The following ONECUT2 variants were observed in gnomAD, a reference collection of about 807,000 sequenced individuals.
The protein encoded by ONECUT2 is one cut domain family member 2.
In ONECUT2, 10 loss-of-function variants were observed where a neutral mutation model predicts 27.9. The ratio of observed to expected loss-of-function variants is 0.36; its 90% CI spans 0.22 to 0.61. The LOEUF is 0.61. Among genes scored for constraint, ONECUT2 ranks in the 20% least tolerant of loss-of-function variants. ONECUT2 has a pLI of 0.73. For missense variants in ONECUT2, 686 were observed against 721.0 expected (o/e 0.95, Z 0.56); for synonymous variants, 334 against 315.1 (o/e 1.06, Z -0.64).
intron 1 of ONECUT2, among the ~76,000 whole-genome samples, chr18:57,446,076 G>T (rs989668770): frequency 1.3e-5 from 2 of 152,230 alleles, no homozygotes; most frequent in Non-Finnish European, 2.9e-5. Flanking sequence ...CAAAGGTCAC[G>T]CCAGTCAGTC....
intron 1 of ONECUT2, among the ~76,000 whole-genome samples, chr18:57,464,697 C>T (rs554532613): frequency 3.9e-5 from 6 of 152,134 alleles, no homozygotes; most frequent in African/African-American, 9.6e-5. Context: ...ATGGAGACAC[C>T]GACCCTTTTT....
In ONECUT2 at chr18:57,476,998, C is replaced by A; in HGVS notation, c.*275C>A. ...TGAGCATGCTAAGCATCCCAGAAAC[C>A]CAAATGGGGCCTTCCTGGAGCGAGT... is the stretch of plus-strand genomic sequence containing the variant. On this transcript the variant is annotated 3_prime_UTR_variant, in exon 2 of 2. Transcript: ENST00000491143. The A allele has an allele frequency of 2.3e-6, 1 of 441,604 alleles. No homozygotes were observed. The allele number at this position is 441,604 out of a possible 1,614,324, so 27.4% of individuals were successfully genotyped here. A position where few individuals can be genotyped will look rare whatever the true frequency, so the allele number is the denominator to read the frequency against.
At chr18:57,467,190 T>G (rs749363303) in intron 1 of ONECUT2, 15 of 456,630 alleles carry the variant, frequency 3.3e-5, no homozygotes, top group Non-Finnish European at 5.3e-5. Flanking sequence ...GAACACAGAA[T>G]GGTCGCTGTG....
At chr18:57,460,850 G>C (rs1198222315) in intron 1 of ONECUT2, among the ~76,000 whole-genome samples, 1 of 151,766 alleles carries the variant, frequency 6.6e-6, no homozygotes, top group Non-Finnish European at 1.5e-5. Flanking sequence ...CACCACACCT[G>C]GCTAATTTTT....
intron 1 of ONECUT2, among the ~76,000 whole-genome samples, chr18:57,442,032 G>A (rs1019905098): frequency 2.0e-5 from 3 of 151,788 alleles, no homozygotes; most frequent in Non-Finnish European, 2.9e-5. Flanking sequence ...CGGGTAAGGA[G>A]GTGTCCTGTG....
At chr18:57,474,639 C>T (rs993695394) in intron 1 of ONECUT2, among the ~76,000 whole-genome samples, 1 of 152,138 alleles carries the variant, frequency 6.6e-6, no homozygotes, top group African/African-American at 2.4e-5. Context: ...ATGGCCCAAT[C>T]ACCTCCCAAA....
In ONECUT2 at chr18:57,477,874, A is replaced by G. The variant is rs2050393373; in HGVS notation, c.*1151A>G. 6.6e-6 allele frequency: 1 copy of G among 152,598 alleles called. No individual in the cohort carries two copies. Among genetic ancestry groups the G allele is most frequent in the African/African-American group, 2.4e-5 (1 of 41,426 alleles). 9.5% of individuals were successfully genotyped at this position (152,598 alleles called of 1,614,324 possible). On this transcript the variant is annotated 3_prime_UTR_variant, in exon 2 of 2. Transcript: ENST00000491143. Reference sequence around the variant, plus strand: ...TGTTTTCTGTGTTTTCTAGCAAGAAAAAAAAATCAATCAATCAAACCTGCA... The same window carrying G: ...TGTTTTCTGTGTTTTCTAGCAAGAAGAAAAAATCAATCAATCAAACCTGCA...
chr18:57,477,875 A>T lies in ONECUT2; in HGVS notation c.*1152A>T, dbSNP rs1173326076. The T allele has an allele frequency of 6.6e-6, 1 of 152,580 alleles. No individual in the cohort carries two copies. Among genetic ancestry groups the T allele is most frequent in the Non-Finnish European group, 1.5e-5 (1 of 68,012 alleles). 9.5% of individuals were successfully genotyped at this position (152,580 alleles called of 1,614,324 possible). A position where few individuals can be genotyped will look rare whatever the true frequency, so the allele number is the denominator to read the frequency against. On this transcript the variant is annotated 3_prime_UTR_variant, in exon 2 of 2. Coordinates refer to ENST00000491143, the MANE Select transcript of ONECUT2 (RefSeq NM_004852.3). ...GTTTTCTGTGTTTTCTAGCAAGAAA[A>T]AAAAATCAATCAATCAAACCTGCAT...
chr18:57,462,462 T>G (rs1488319994), intron 1 of ONECUT2, among the ~76,000 whole-genome samples: 1 of 152,188 alleles, frequency 6.6e-6, no homozygotes, highest in African/African-American at 2.4e-5. Context: ...CATAGCTCAC[T>G]GCAGCTTTCA....
At chr18:57,456,969 C>T (rs2122123639) in intron 1 of ONECUT2, among the ~76,000 whole-genome samples, 1 of 152,200 alleles carries the variant, frequency 6.6e-6, no homozygotes, top group East Asian at 1.9e-4. Flanking sequence ...ACGGTGACTT[C>T]CTGGGAGTGG....
chr18:57,437,212 G>T (rs1182325729), intron 1 of ONECUT2, among the ~76,000 whole-genome samples: 2 of 136,096 alleles, frequency 1.5e-5, no homozygotes, highest in Admixed American at 7.4e-5. Context: ...CATTTCATTC[G>T]CCCTCCCCTC....
At chr18:57,468,088 C>T (rs1013006479) in intron 1 of ONECUT2, among the ~76,000 whole-genome samples, 1 of 152,222 alleles carries the variant, frequency 6.6e-6, no homozygotes, top group African/African-American at 2.4e-5. Flanking sequence ...CCTGTGCATA[C>T]ATCCACAATT....
chr18:57,484,677 C>T lies in ONECUT2; in HGVS notation c.*7954C>T, dbSNP rs966015850. ...ATTACTGAACCACAGAAGCTCTGAC[C>T]ATTGAGTAGTTGAGCTGGAAGAGAC... On this transcript the variant is annotated 3_prime_UTR_variant, in exon 2 of 2. Transcript: ENST00000491143. 1 of 152,212 alleles carries T rather than the reference C, an allele frequency of 6.6e-6. No homozygotes were observed. The highest frequency in any genetic ancestry group is 2.4e-5 in the African/African-American group (1 of 41,430). The allele number at this position is 152,212 out of a possible 1,614,324, so 9.4% of individuals were successfully genotyped here. A position where few individuals can be genotyped will look rare whatever the true frequency, so the allele number is the denominator to read the frequency against.
rs11872516 is a variant in ONECUT2 at position 57,459,225 on chromosome 18, G to A, written c.1229-17212G>A. ...ATAAAGACACACATCGACTGAAAGT[G>A]AAAGAGTAGAAAAAATATTTCATGC... On this transcript the variant is annotated intron_variant, in intron 1 of 1. Transcript: ENST00000491143. Among the ~76,000 whole-genome samples, 153 of 152,314 alleles carry A rather than the reference G, an allele frequency of 1.0e-3. 1 individual carries two copies. Among genetic ancestry groups the A allele is most frequent in the African/African-American group, 3.4e-3 (140 of 41,572 alleles).
chr18:57,466,479 A>G (rs1316267109), intron 1 of ONECUT2, among the ~76,000 whole-genome samples: 2 of 152,236 alleles, frequency 1.3e-5, no homozygotes, highest in African/African-American at 2.4e-5. Context: ...AGATGTTTGT[A>G]TCTGGAATTA....
chr18:57,458,651 G>A (rs912720799), intron 1 of ONECUT2, among the ~76,000 whole-genome samples: 1 of 151,880 alleles, frequency 6.6e-6, no homozygotes, highest in Non-Finnish European at 1.5e-5. Context: ...TACCATTTTT[G>A]GTTGTTTGCA....
Position 57,436,085 on chromosome 18 carries a change from C to A in ONECUT2, c.369C>A (p.Leu123=), listed in dbSNP as rs1260237309. The change falls in exon 1 of 2, where the codon CTC becomes CTA. Residue 123 remains leucine (L), a synonymous_variant. Transcript: ENST00000491143. This position sits in a 1 kb window ranked among gnomAD's most constrained non-coding sequence, Gnocchi z 5.9. ...ILDGGDYRPE[L]SIPLHHAMSM... ...ACGGCGGCGACTACCGGCCCGAGCT[C>A]TCCATCCCGCTGCACCACGCCATGA... The A allele has an allele frequency of 2.5e-6, 4 of 1,599,130 alleles. No individual in the cohort carries two copies. In the South Asian group the frequency reaches 4.4e-5, roughly 18 times the overall value.
chr18:57,436,615 ACACT>A lies in ONECUT2; in HGVS notation c.902_905del (p.Thr301SerfsTer45). On this transcript the variant is annotated frameshift_variant, in exon 1 of 2. Coordinates refer to ENST00000491143, the MANE Select transcript of ONECUT2 (RefSeq NM_004852.3). LOFTEE classifies it high-confidence loss of function. The surrounding 1 kb of genome is among the most constrained non-coding windows in gnomAD (Gnocchi z 5.9). ...CTGAACGGCCTGCACCACCCGGGCCACACTCAGTCTCACGGGCCGGTGCTGGCAC... is the reference window on the plus strand; with the variant it reads ...CTGAACGGCCTGCACCACCCGGGCCACAGTCTCACGGGCCGGTGCTGGCAC... 1 of 1,611,118 alleles carries A rather than the reference ACACT, an allele frequency of 6.2e-7. No individual in the cohort carries two copies. Among genetic ancestry groups the A allele is most frequent in the Non-Finnish European group, 8.5e-7 (1 of 1,179,864 alleles).
rs753353106 is a variant in ONECUT2 at position 57,436,645 on chromosome 18, C to T, written c.929C>T (p.Pro310Leu). The change falls in exon 1 of 2, where the codon CCC becomes CTC. Residue 310 changes from proline (P) to leucine (L), a missense_variant. Physicochemically the swap from Pro to Leu is moderately conservative, Grantham distance 98 (BLOSUM62 -3). This residue lies in a region of ONECUT2 where 511 missense variants were observed against 488.1 expected (regional missense o/e 1.05). Coordinates refer to ENST00000491143, the MANE Select transcript of ONECUT2 (RefSeq NM_004852.3). This position sits in a 1 kb window ranked among gnomAD's most constrained non-coding sequence, Gnocchi z 5.9. ...CAGTCTCACGGGCCGGTGCTGGCAC[C>T]CAGTCGCGAGCGGCCACCCTCGTCC... is the stretch of plus-strand genomic sequence containing the variant. Reference protein sequence around the residue: ...HTQSHGPVLAPSRERPPSSSS... With the variant: ...HTQSHGPVLALSRERPPSSSS... 3 of 1,612,116 alleles carry T rather than the reference C, an allele frequency of 1.9e-6. No homozygotes were observed. The highest frequency in any genetic ancestry group is 2.5e-6 in the Non-Finnish European group (3 of 1,179,900).
Sources: gnomAD v4.1 joint callset for allele counts (sites outside exome capture counted in the v4.1 genomes callset) on GRCh38, gnomAD v4.1.1 for gene constraint, gnomAD v4.1.1 regional missense constraint, Gnocchi (gnomAD v3.1) non-coding constraint, MANE v1.5 for transcripts, NCBI Gene and HGNC (gene_info 2026-07-23, HGNC 2026-07-21) for gene names.